Variants in WNK2 observed in about 807,000 individuals in gnomAD.
The protein encoded by WNK2 is WNK lysine deficient protein kinase 2, also known as serine/threonine-protein kinase WNK2.
A neutral mutation model predicts 192.1 loss-of-function variants in WNK2; 67 were observed. The observed-to-expected ratio is 0.35, with a 90% CI of 0.29 to 0.43. The LOEUF (loss-of-function observed/expected upper bound fraction) is 0.43, where lower values mean the gene tolerates loss of function less well. WNK2 is among the 20% of genes least tolerant of loss of function. WNK2 has a pLI of 1.00. For synonymous variants in WNK2, 1,439 were observed against 1,393.9 expected (o/e 1.03, Z -0.72); for missense variants, 2,698 against 3,089.7 (o/e 0.87, Z 3.01).
intron 23 of WNK2, among the ~76,000 whole-genome samples, chr9:93,294,245 C>T (rs1849873996): frequency 6.6e-6 from 1 of 151,924 alleles, no homozygotes; most frequent in South Asian, 2.1e-4. Flanking sequence ...GCGGGGTGGT[C>T]AGTGCCATAC....
At chr9:93,319,108 C>T (rs1158162704) in intron 29 of WNK2, 4 of 1,614,042 alleles carry the variant, frequency 2.5e-6, no homozygotes, top group Non-Finnish European at 2.5e-6. Flanking sequence ...CACCTGTCCC[C>T]CTTGCCTGTG....
At chr9:93,255,271 G>A (rs1202305139) in intron 9 of WNK2, among the ~76,000 whole-genome samples, 2 of 152,338 alleles carry the variant, frequency 1.3e-5, no homozygotes, top group Non-Finnish European at 2.9e-5. Flanking sequence ...AGGAGAAACA[G>A]CCAAGGAGGA....
At chr9:93,211,669 T>C (rs1834783770) in intron 2 of WNK2, among the ~76,000 whole-genome samples, 1 of 148,024 alleles carries the variant, frequency 6.8e-6, no homozygotes, top group Non-Finnish European at 1.5e-5. Context: ...CACTCACTCA[T>C]TCACTCCTAT....
Position 93,293,111 on chromosome 9 carries a change from C to G in WNK2, c.5646C>G (p.Ser1882Arg). The change falls in exon 23 of 30, where the codon AGC becomes AGG. Residue 1882 changes from serine (S) to arginine (R), a missense_variant. This residue lies in a region of WNK2 where 1,098 missense variants were observed against 1,101.0 expected (regional missense o/e 1.00). Coordinates refer to ENST00000427277, the MANE Select transcript of WNK2 (RefSeq NM_006648.4). Reference protein sequence around the residue: ...SFHSQSSYISSDNDSELEDAD... With the variant: ...SFHSQSSYISRDNDSELEDAD... ...ATTCCCAGTCGTCCTACATCAGCAG[C>G]GACAATGATTCGGAGCTCGAGGATG... The G allele has an allele frequency of 6.3e-7, 1 of 1,592,480 alleles. No individual in the cohort carries two copies. The highest frequency in any genetic ancestry group is 8.5e-7 in the Non-Finnish European group (1 of 1,171,052).
intron 2 of WNK2, among the ~76,000 whole-genome samples, chr9:93,223,718 G>GCCC (rs1837342945): frequency 2.0e-5 from 3 of 152,244 alleles, no homozygotes; most frequent in Non-Finnish European, 4.4e-5. Context: ...CTGGCCCCCA[G>GCCC]CTTGGGTCGA....
In WNK2 at chr9:93,228,357, CT is replaced by C. The variant is rs900427109; in HGVS notation, c.682-1336del. Among the ~76,000 whole-genome samples, 98 of 152,204 alleles carry C rather than the reference CT, an allele frequency of 6.4e-4. 2 individuals are homozygous for C. The highest frequency in any genetic ancestry group is 4.6e-4 in the Admixed American group (7 of 15,278). On this transcript the variant is annotated intron_variant, in intron 2 of 29. Transcript: ENST00000427277. ...GAGTCTGGCTTGATGTTCTTTGGGC[CT>C]TTCCGGAAGGATCCAGGGGTCTTGG...
In WNK2 at chr9:93,264,431, G is replaced by A. The variant is rs1057288408; in HGVS notation, c.3696+398G>A. 7.2e-5 allele frequency among the ~76,000 whole-genome samples: 11 copies of A among 152,140 alleles called. 1 individual carries two copies. The highest frequency in any genetic ancestry group is 2.9e-5 in the Non-Finnish European group (2 of 68,002). On this transcript the variant is annotated intron_variant, in intron 16 of 29. Coordinates refer to ENST00000427277, the MANE Select transcript of WNK2 (RefSeq NM_006648.4). ...TCCCCAGCTGGAGTGCGGGCTCTGA[G>A]CCCTGACCCATGTCCCATGTGCCCA...
At position 93,263,934 on chromosome 9, in the gene WNK2, C is replaced by T; in HGVS notation, c.3597C>T (p.Asp1199=). The T allele has an allele frequency of 6.2e-7, 1 of 1,612,946 alleles. No homozygotes were observed. The highest frequency in any genetic ancestry group is 8.5e-7 in the Non-Finnish European group (1 of 1,179,678). The change falls in exon 16 of 30, where the codon GAC becomes GAT. Residue 1199 remains aspartate, a synonymous_variant. Coordinates refer to ENST00000427277, the MANE Select transcript of WNK2 (RefSeq NM_006648.4). ...CCTTCCAGGTGTGCAACACTGGGGA[C>T]AAGATGGTGGAGTGCCAGCTGGAGA... ...LTILNVCNTG[D]KMVECQLETH... is the part of the protein sequence containing the mutation.
At chr9:93,194,537 A>G (rs1214325643) in intron 2 of WNK2, among the ~76,000 whole-genome samples, 4 of 152,218 alleles carry the variant, frequency 2.6e-5, no homozygotes. Flanking sequence ...GAATGGTCAA[A>G]ATCTAGAACA....
rs948834659 is a variant in WNK2, at chr9:93,259,728, C to G, written c.3066+114C>G. ...GAGGCAGCCCTGCCTGGGGTCGCCCCTCTCAGGAAGAGATGTGTGTGAGGC... is the reference window on the plus strand; with the variant it reads ...GAGGCAGCCCTGCCTGGGGTCGCCCGTCTCAGGAAGAGATGTGTGTGAGGC... On this transcript the variant is annotated intron_variant, in intron 12 of 29. Transcript: ENST00000427277. This position sits in a 1 kb window ranked among gnomAD's most constrained non-coding sequence, Gnocchi z 4.8. 2 of 1,044,918 alleles carry G rather than the reference C, an allele frequency of 1.9e-6. No homozygotes were observed. The highest frequency in any genetic ancestry group is 3.2e-5 in the African/African-American group (2 of 62,236). 64.7% of individuals were successfully genotyped at this position (1,044,918 alleles called of 1,614,324 possible).
At position 93,292,779 on chromosome 9, in the gene WNK2, G is replaced by T; in HGVS notation, c.5314G>T (p.Asp1772Tyr). 1.3e-6 allele frequency: 2 copies of T among 1,557,902 alleles called. No homozygotes were observed. The highest frequency in any genetic ancestry group is 1.7e-6 in the Non-Finnish European group (2 of 1,152,418). Residue 1772 changes from aspartate to tyrosine, a missense_variant, in exon 23 of 30, where the codon GAC becomes TAC. Transcript: ENST00000427277. ...CAGCCTGAGATACTCTGCCCCACCC[G>T]ACGTCTACCTGGACGAGGCCCCCTC... Reference protein sequence around the residue: ...PHSLRYSAPPDVYLDEAPSSP... With the variant: ...PHSLRYSAPPYVYLDEAPSSP...
Position 93,292,552 on chromosome 9 carries a change from C to T in WNK2, c.5087C>T (p.Ala1696Val). 1 of 1,571,488 alleles carries T rather than the reference C, an allele frequency of 6.4e-7. No individual in the cohort carries two copies. Among genetic ancestry groups the T allele is most frequent in the South Asian group, 1.2e-5 (1 of 84,440 alleles). ...VEPTDRDGGE[A>V]GESSAEPPPS... ...CCCACAGACAGGGATGGTGGAGAAG[C>T]TGGAGAAAGCTCGGCAGAGCCCCCG... is the stretch of plus-strand genomic sequence containing the variant. The change falls in exon 23 of 30, where the codon GCT becomes GTT. Residue 1696 changes from alanine (A) to valine (V), a missense_variant. Coordinates refer to ENST00000427277, the MANE Select transcript of WNK2 (RefSeq NM_006648.4).
intron 18 of WNK2, 65 bp from the exon 19 acceptor site, chr9:93,268,562 G>A (rs1845528318): frequency 1.3e-6 from 2 of 1,560,066 alleles, no homozygotes; most frequent in East Asian, 4.8e-5. Flanking sequence ...TGCAGGTGAT[G>A]GGGGTCACAC....
In WNK2 at chr9:93,300,180, C is replaced by T. The variant is rs111847866; in HGVS notation, c.6214+31C>T. ...TATTTGTTCTTTTGTATTTTATCACCTCCTGGCCCTTGGTTTTCTCCCCCC... is the reference window on the plus strand; with the variant it reads ...TATTTGTTCTTTTGTATTTTATCACTTCCTGGCCCTTGGTTTTCTCCCCCC... On this transcript the variant is annotated intron_variant, in intron 26 of 29. Coordinates refer to ENST00000427277, the MANE Select transcript of WNK2 (RefSeq NM_006648.4). 1,049 of 1,580,934 alleles carry T rather than the reference C, an allele frequency of 6.6e-4. 2 individuals carry two copies. The highest frequency in any genetic ancestry group is 5.7e-3 in the African/African-American group (422 of 74,232).
chr9:93,246,412 G>A (rs992757356), intron 7 of WNK2, among the ~76,000 whole-genome samples: 4 of 152,178 alleles, frequency 2.6e-5, no homozygotes, highest in Non-Finnish European at 2.9e-5. Flanking sequence ...TCACAAGTAC[G>A]CATGTGTCTG....
At chr9:93,306,742 C>T in intron 26 of WNK2, 35 bp from the exon 27 acceptor site, 1 of 1,613,974 alleles carries the variant, frequency 6.2e-7, no homozygotes, top group Non-Finnish European at 8.5e-7. Flanking sequence ...TCTGCCTAAC[C>T]CTGTGGTCTT....
intron 27 of WNK2, chr9:93,307,466 GC>G (rs1852787700): frequency 6.6e-6 from 1 of 152,320 alleles, no homozygotes; most frequent in East Asian, 1.9e-4. Flanking sequence ...ATTCAAAATT[GC>G]CAACGAGAAA....
At position 93,239,801 on chromosome 9, in the gene WNK2, A is replaced by G; in HGVS notation, c.1367A>G (p.Asp456Gly). The G allele has an allele frequency of 6.3e-7, 1 of 1,575,722 alleles. No individual in the cohort carries two copies. Among genetic ancestry groups the G allele is most frequent in the Non-Finnish European group, 8.6e-7 (1 of 1,161,068 alleles). ...DLLSHAFFAEDTGVRVELAEE... is the reference protein window; with the variant it reads ...DLLSHAFFAEGTGVRVELAEE... ...CTGAGCCACGCCTTCTTCGCAGAGG[A>G]CACAGGCGTGAGGGTGGAGCTCGCG... The change falls in exon 7 of 30, where the codon GAC (aspartate) becomes GGC (glycine). Residue 456 changes from aspartate to glycine, a missense_variant. By Grantham distance (94) the Asp-to-Gly change is moderately conservative. This residue lies in a region of WNK2 where 230 missense variants were observed against 501.1 expected (regional missense o/e 0.46). Coordinates refer to ENST00000427277, the MANE Select transcript of WNK2 (RefSeq NM_006648.4). This position sits in a 1 kb window ranked among gnomAD's most constrained non-coding sequence, Gnocchi z 4.2.
At position 93,236,629 on chromosome 9, in the gene WNK2, G is replaced by A. The variant is rs528577343; in HGVS notation, c.1234-1604G>A. On this transcript the variant is annotated intron_variant, in intron 5 of 29. Transcript: ENST00000427277. ...GCCCCGCCCTGCTGCTTCTGAGTCC[G>A]GTTGCAGGGCTTGCCCTCTGCTCCC... Among the ~76,000 whole-genome samples the A allele has an allele frequency of 2.5e-4, 38 of 152,346 alleles. No individual in the cohort carries two copies. In the East Asian group the frequency reaches 4.8e-3, roughly 19 times the overall value.
Sources: allele counts gnomAD v4.1 joint callset (sites outside exome capture counted in the v4.1 genomes callset), GRCh38; gene constraint gnomAD v4.1.1; regional missense constraint gnomAD v4.1.1; non-coding constraint Gnocchi (gnomAD v3.1); transcripts MANE v1.5; gene names NCBI Gene and HGNC (gene_info 2026-07-23, HGNC 2026-07-21).